Variants in EXO1 observed in about 807,000 individuals in gnomAD.
EXO1 encodes the protein exonuclease 1.
EXO1 carries 69 observed loss-of-function variants against 84.5 expected under a neutral mutation model. The observed-to-expected ratio is 0.82, with a 90% CI of 0.67 to 1.00. The LOEUF is 1.00. EXO1 is among the 50% of genes least tolerant of loss of function. The pLI is 0.00. For synonymous variants in EXO1, 373 were observed against 366.1 expected (o/e 1.02, Z -0.21); for missense variants, 1,045 against 1,000.7 (o/e 1.04, Z -0.60).
chr1:241,873,172 C>T (rs1170164058), intron 12 of EXO1, among the ~76,000 whole-genome samples: 2 of 152,060 alleles, frequency 1.3e-5, no homozygotes, highest in Non-Finnish European at 2.9e-5. Flanking sequence ...GTGCTGCACC[C>T]ATTAACTCAT....
intron 12 of EXO1, among the ~76,000 whole-genome samples, chr1:241,872,817 G>A (rs1392342888): frequency 2.0e-5 from 3 of 152,104 alleles, no homozygotes; most frequent in Non-Finnish European, 4.4e-5. Context: ...ATAAACATAC[G>A]TATGCATGTG....
rs374496045 is a variant in EXO1, at chr1:241,850,203, C to T, written c.-17-206C>T. Among the ~76,000 whole-genome samples, 33 of 152,156 alleles carry T rather than the reference C, an allele frequency of 2.2e-4. 1 individual carries two copies. In the South Asian group the frequency reaches 6.6e-3, roughly 31 times the overall value. ...GGCTGAGGCAGGAGAATGGCGTGAA[C>T]CCGGGAGGCGGAGCTTGCAGTGAGC... On this transcript the variant is annotated intron_variant, in intron 3 of 15. Coordinates refer to ENST00000366548, the MANE Select transcript of EXO1 (RefSeq NM_130398.4).
rs372301145 is a variant in EXO1 at position 241,850,498 on chromosome 1, C to A, written c.73C>A (p.Gln25Lys). Residue 25 changes from glutamine to lysine, a missense_variant, in exon 4 of 16, where the codon CAG becomes AAG. Gln to Lys is a moderately conservative substitution (Grantham distance 53). Transcript: ENST00000366548. ...CATCCATGTGAGGAAGTATAAAGGG[C>A]AGGTAGTAGCTGTGGATACATATTG... ...EPIHVRKYKGQVVAVDTYCWL... is the reference protein window; with the variant it reads ...EPIHVRKYKGKVVAVDTYCWL... 1.2e-5 allele frequency: 20 copies of A among 1,613,494 alleles called. No individual in the cohort carries two copies. In the African/African-American group the frequency reaches 2.4e-4, roughly 19 times the overall value.
At chr1:241,853,628 C>CA in intron 6 of EXO1, 147 bp downstream of exon 6, 1 of 789,678 alleles carries the variant, frequency 1.3e-6, no homozygotes. Flanking sequence ...GGAACAGCAT[C>CA]ACTAGATAGA....
chr1:241,872,220 T>C lies in EXO1; in HGVS notation c.1456T>C (p.Phe486Leu). 1 of 1,613,976 alleles carries C rather than the reference T, an allele frequency of 6.2e-7. No individual in the cohort carries two copies. The highest frequency in any genetic ancestry group is 8.5e-7 in the Non-Finnish European group (1 of 1,179,934). ...PPRTRNKFAT[F>L]LQRKNEESGA... ...TAGGACGAGAAATAAATTTGCAACATTTTTACAAAGGAAAAATGAAGAAAG... is the reference window on the plus strand; with the variant it reads ...TAGGACGAGAAATAAATTTGCAACACTTTTACAAAGGAAAAATGAAGAAAG... The change falls in exon 12 of 16, where the codon TTT becomes CTT. Residue 486 changes from phenylalanine (F) to leucine (L), a missense_variant. Coordinates refer to ENST00000366548, the MANE Select transcript of EXO1 (RefSeq NM_130398.4).
Position 241,858,708 on chromosome 1 carries a change from A to G in EXO1, c.746A>G (p.Asp249Gly). The G allele has an allele frequency of 1.2e-6, 2 of 1,608,802 alleles. No homozygotes were observed. Among genetic ancestry groups the G allele is most frequent in the Middle Eastern group, 1.7e-4 (1 of 6,046 alleles). Residue 249 changes from aspartate (D) to glycine (G), a missense_variant, in exon 8 of 16, where the codon GAT (aspartate) becomes GGT (glycine). Transcript: ENST00000366548. ...CKVLRLANNP[D>G]IVKVIKKIGH... ...GTCCTAAGACTAGCCAATAATCCAGATATAGTAAAGGTAAGAGTGATTTGC... is the reference window on the plus strand; with the variant it reads ...GTCCTAAGACTAGCCAATAATCCAGGTATAGTAAAGGTAAGAGTGATTTGC...
chr1:241,867,062 A>G lies in EXO1; in HGVS notation c.1267+7A>G, dbSNP rs1661788560. ...GTGAAAAGACCAAGAAGTGGTACGTATTTCAGTTTTGCAAAATGCTGGTGA... is the reference window on the plus strand; with the variant it reads ...GTGAAAAGACCAAGAAGTGGTACGTGTTTCAGTTTTGCAAAATGCTGGTGA... On this transcript the variant is annotated splice_region_variant and intron_variant, in intron 11 of 15. Transcript: ENST00000366548. The G allele has an allele frequency of 6.2e-7, 1 of 1,605,640 alleles. No individual in the cohort carries two copies.
At position 241,889,685 on chromosome 1, in the gene EXO1, G is replaced by A; in HGVS notation, c.*85G>A. On this transcript the variant is annotated 3_prime_UTR_variant, in exon 16 of 16. Coordinates refer to ENST00000366548, the MANE Select transcript of EXO1 (RefSeq NM_130398.4). ...TTGGGAATGAGGCACTTATCAGCAT[G>A]AAGAATTTTTTCTCATTCTGTGCCA... 1 of 1,349,932 alleles carries A rather than the reference G, an allele frequency of 7.4e-7. No homozygotes were observed. Among genetic ancestry groups the A allele is most frequent in the Non-Finnish European group, 1.1e-6 (1 of 941,966 alleles). The allele number at this position is 1,349,932 out of a possible 1,614,324, so 83.6% of individuals were successfully genotyped here.
chr1:241,850,302 C>G, intron 3 of EXO1, 107 bp from the exon 4 acceptor site: 2 of 770,046 alleles, frequency 2.6e-6, no homozygotes, highest in Non-Finnish European at 4.2e-6. Context: ...AAACAACAAA[C>G]CAATTTCTGC....
At chr1:241,857,258 G>A in intron 6 of EXO1, 87 bp from the exon 7 acceptor site, 1 of 1,262,378 alleles carries the variant, frequency 7.9e-7, no homozygotes, top group Non-Finnish European at 1.2e-6. Context: ...GCCTGCTGAG[G>A]CTAGTAATAA....
chr1:241,880,209 G>A (rs1054549792), intron 13 of EXO1, among the ~76,000 whole-genome samples: 3 of 152,036 alleles, frequency 2.0e-5, no homozygotes, highest in African/African-American at 4.8e-5. Flanking sequence ...TCCTATGAAC[G>A]TCTTTATCTC....
At position 241,857,312 on chromosome 1, in the gene EXO1, G is replaced by A. The variant is rs374996599; in HGVS notation, c.406-33G>A. 49 of 1,610,976 alleles carry A rather than the reference G, an allele frequency of 3.0e-5. No homozygotes were observed. In the African/African-American group the frequency reaches 3.5e-4, roughly 11 times the overall value. ...AGTTGTTTAGTACTTTCCAGATGCCGTGCTAGAGATTCACTGTGATTCTCT... is the reference window on the plus strand; with the variant it reads ...AGTTGTTTAGTACTTTCCAGATGCCATGCTAGAGATTCACTGTGATTCTCT... On this transcript the variant is annotated intron_variant, in intron 6 of 15. Transcript: ENST00000366548.
intron 11 of EXO1, among the ~76,000 whole-genome samples, chr1:241,869,661 T>G (rs1395470456): frequency 6.6e-6 from 1 of 152,168 alleles, no homozygotes. Context: ...AATAAAAGGT[T>G]TTTGTGTATG....
intron 3 of EXO1, 65 bp from the exon 4 acceptor site, chr1:241,850,343 TA>T: frequency 9.0e-7 from 1 of 1,107,108 alleles, no homozygotes; most frequent in Non-Finnish European, 1.4e-6. Context: ...TTCATTTGTC[TA>T]AGATGTTTTA....
At chr1:241,872,532 G>T (rs565329008) in intron 12 of EXO1, among the ~76,000 whole-genome samples, 7 of 152,166 alleles carry the variant, frequency 4.6e-5, no homozygotes, top group African/African-American at 1.7e-4. Flanking sequence ...AGGCCGGGGT[G>T]TGTGATGTTC....
At chr1:241,872,806 A>G (rs558071841) in intron 12 of EXO1, among the ~76,000 whole-genome samples, 5 of 152,336 alleles carry the variant, frequency 3.3e-5, no homozygotes, top group Admixed American at 3.3e-4. Context: ...ATAGTGCTGC[A>G]ATAAACATAC....
At chr1:241,867,428 G>A (rs1661812332) in intron 11 of EXO1, among the ~76,000 whole-genome samples, 1 of 152,152 alleles carries the variant, frequency 6.6e-6, no homozygotes, top group Non-Finnish European at 1.5e-5. Context: ...CGGCCACCAT[G>A]ATTCAGTTAT....
chr1:241,862,870 C>T (rs1635511), intron 10 of EXO1, among the ~76,000 whole-genome samples: 94,112 of 152,050 alleles, frequency 0.62, 29,650 homozygotes, highest in East Asian at 0.8. Context: ...CTAATTTATT[C>T]CTTTACTAAA....
In EXO1 at chr1:241,885,443, G is replaced by A. The variant is rs1558148727; in HGVS notation, c.2341G>A (p.Ala781Thr). The part of the protein sequence containing the change: ...ASIQKRKHHN[A>T]ENKPGLQIKL... ...CATCCAGAAGAGAAAGCATCATAAT[G>A]CCGAGAACAAGCCGGGGTTACAGAT... The change falls in exon 15 of 16, where the codon GCC (alanine) becomes ACC (threonine). Residue 781 changes from alanine to threonine, a missense_variant. Physicochemically the swap from Ala to Thr is moderately conservative, Grantham distance 58. Coordinates refer to ENST00000366548, the MANE Select transcript of EXO1 (RefSeq NM_130398.4). The A allele has an allele frequency of 6.2e-7, 1 of 1,613,756 alleles. No individual in the cohort carries two copies. Among genetic ancestry groups the A allele is most frequent in the Non-Finnish European group, 8.5e-7 (1 of 1,179,906 alleles).
Sources: gnomAD v4.1 joint callset for allele counts (sites outside exome capture counted in the v4.1 genomes callset) on GRCh38, gnomAD v4.1.1 for gene constraint, MANE v1.5 for transcripts, NCBI Gene and HGNC (gene_info 2026-07-23, HGNC 2026-07-21) for gene names.